The following VEPH1 variants were observed in gnomAD, a reference collection of about 807,000 sequenced individuals.
The protein encoded by VEPH1 is ventricular zone expressed PH domain containing 1.
A neutral mutation model predicts 85.2 loss-of-function variants in VEPH1; 80 were observed. The observed-to-expected ratio is 0.94, with a 90% CI of 0.78 to 1.13. The LOEUF is 1.13. Among genes scored for constraint, VEPH1 ranks in the 50% most tolerant of loss-of-function variants. VEPH1 has a pLI of 0.00. For missense variants in VEPH1, 955 were observed against 980.5 expected (o/e 0.97, Z 0.35); for synonymous variants, 297 against 348.0 (o/e 0.85, Z 1.63).
rs60332684 is a variant in VEPH1, at chr3:157,481,466, A to ACACACACACACACACAC, written c.139-10938_139-10937insGTGTGTGTGTGTGTGTG. ...CACACACACACACACACACACACAC[A>ACACACACACACACACAC]AAAAAAAAAAAAAAAAAAAACAATC... On this transcript the variant is annotated intron_variant, in intron 2 of 13. Coordinates refer to ENST00000362010, the MANE Select transcript of VEPH1 (RefSeq NM_001167912.2). Among the ~76,000 whole-genome samples, 36 of 48,228 alleles carry ACACACACACACACACAC rather than the reference A, an allele frequency of 7.5e-4. 1 individual carries two copies. The highest frequency in any genetic ancestry group is 3.1e-3 in the African/African-American group (29 of 9,228). 31.6% of individuals were successfully genotyped at this position (48,228 alleles called of 152,430 possible). A position where few individuals can be genotyped will look rare whatever the true frequency, so the allele number is the denominator to read the frequency against.
chr3:157,486,322 C>T (rs112395587), intron 2 of VEPH1, among the ~76,000 whole-genome samples: 1,870 of 151,868 alleles, frequency 0.012, 29 homozygotes, highest in African/African-American at 0.042. Flanking sequence ...ATGGTGAAAC[C>T]CCGTCTATAC....
intron 6 of VEPH1, among the ~76,000 whole-genome samples, chr3:157,385,371 A>G (rs1204576595): frequency 1.3e-5 from 2 of 152,142 alleles, no homozygotes; most frequent in Admixed American, 6.5e-5. Context: ...TATACAAAAT[A>G]GATCAGCAAT....
chr3:157,390,916 T>C (rs1307299820), intron 6 of VEPH1, among the ~76,000 whole-genome samples: 1 of 152,236 alleles, frequency 6.6e-6, no homozygotes, highest in Non-Finnish European at 1.5e-5. Context: ...CTCCAAGTTT[T>C]TGGGCACCAC....
intron 11 of VEPH1, among the ~76,000 whole-genome samples, chr3:157,307,428 C>T (rs1001614399): frequency 6.6e-6 from 1 of 151,870 alleles, no homozygotes; most frequent in East Asian, 1.9e-4. Context: ...GTTAATTGAT[C>T]TATATGGTGT....
At chr3:157,342,206 T>C (rs927643439) in intron 9 of VEPH1, among the ~76,000 whole-genome samples, 12 of 152,052 alleles carry the variant, frequency 7.9e-5, no homozygotes, top group African/African-American at 2.2e-4. Context: ...GGGCTAAATG[T>C]TCCAATTAAA....
intron 7 of VEPH1, among the ~76,000 whole-genome samples, chr3:157,371,977 C>G (rs1378073521): frequency 6.6e-6 from 1 of 152,090 alleles, no homozygotes; most frequent in Non-Finnish European, 1.5e-5. Flanking sequence ...CAAAATCACT[C>G]TGTAAATTAT....
intron 12 of VEPH1, among the ~76,000 whole-genome samples, chr3:157,272,288 CCTT>C (rs1272067463): frequency 2.7e-5 from 4 of 145,728 alleles, no homozygotes; most frequent in South Asian, 2.3e-4. Flanking sequence ...TTCCTTCCTT[CCTT>C]CCTTCCCTTC....
intron 11 of VEPH1, among the ~76,000 whole-genome samples, chr3:157,291,943 C>A (rs12632525): frequency 0.23 from 34,237 of 152,126 alleles, 4,510 homozygotes; most frequent in Admixed American, 0.4. Context: ...ATCTCTCTCT[C>A]TATATATCTA....
intron 4 of VEPH1, among the ~76,000 whole-genome samples, chr3:157,432,317 A>C (rs1280433891): frequency 6.6e-6 from 1 of 152,054 alleles, no homozygotes; most frequent in Admixed American, 6.5e-5. Flanking sequence ...TTATATTCTT[A>C]ATATAGTCAA....
At chr3:157,390,138 G>T (rs1729722630) in intron 6 of VEPH1, among the ~76,000 whole-genome samples, 1 of 152,184 alleles carries the variant, frequency 6.6e-6, no homozygotes, top group Non-Finnish European at 1.5e-5. Flanking sequence ...GTTTATAGAA[G>T]AATATGAAAA....
chr3:157,288,181 C>T (rs1014919968), intron 11 of VEPH1, among the ~76,000 whole-genome samples: 6 of 152,224 alleles, frequency 3.9e-5, no homozygotes, highest in African/African-American at 1.4e-4. Context: ...TAAAAGGCTC[C>T]TCCTCCTAAG....
At chr3:157,494,523 T>A (rs1279261985) in intron 2 of VEPH1, among the ~76,000 whole-genome samples, 1 of 152,096 alleles carries the variant, frequency 6.6e-6, no homozygotes, top group East Asian at 1.9e-4. Context: ...AATCTTGACA[T>A]TGAAGAGAAG....
At chr3:157,281,530 A>T (rs1023110581) in intron 12 of VEPH1, among the ~76,000 whole-genome samples, 1 of 151,594 alleles carries the variant, frequency 6.6e-6, no homozygotes, top group African/African-American at 2.4e-5. Context: ...ATACATCAAA[A>T]TCGAGTTTTC....
At chr3:157,466,236 C>G (rs989092069) in intron 3 of VEPH1, among the ~76,000 whole-genome samples, 2 of 152,026 alleles carry the variant, frequency 1.3e-5, no homozygotes, top group African/African-American at 4.8e-5. Context: ...ATGGCCAACT[C>G]CATATAGATA....
chr3:157,270,586 A>C lies in VEPH1; in HGVS notation c.2129-4924T>G, dbSNP rs148184146. The stretch of plus-strand genomic sequence containing the variant: ...AAGGGGTTGGTCTTATTCAACATGA[A>C]GTTGATGAGTAAGTATAATAATAAC... On this transcript the variant is annotated intron_variant, in intron 12 of 13. Transcript: ENST00000362010. Among the ~76,000 whole-genome samples the C allele has an allele frequency of 8.8e-4, 134 of 152,300 alleles. 1 individual carries two copies. In the East Asian group the frequency reaches 0.024, roughly 27 times the overall value.
chr3:157,493,157 G>A, intron 2 of VEPH1: 1 of 433,054 alleles, frequency 2.3e-6, no homozygotes, highest in Non-Finnish European at 4.6e-6. Flanking sequence ...AAGGAAAATT[G>A]AGAAGCAGGT....
intron 12 of VEPH1, among the ~76,000 whole-genome samples, chr3:157,274,144 C>T (rs781548051): frequency 2.0e-5 from 3 of 152,154 alleles, no homozygotes; most frequent in Admixed American, 6.5e-5. Context: ...CATACATCCC[C>T]GTGAGGATTA....
chr3:157,462,082 TTA>T (rs949113893), intron 3 of VEPH1, among the ~76,000 whole-genome samples: 2 of 147,692 alleles, frequency 1.4e-5, no homozygotes, highest in African/African-American at 4.9e-5. Context: ...AAAGTATTAT[TTA>T]TATATATATA....
At chr3:157,386,072 A>C (rs1729256764) in intron 6 of VEPH1, among the ~76,000 whole-genome samples, 1 of 152,032 alleles carries the variant, frequency 6.6e-6, no homozygotes, top group Non-Finnish European at 1.5e-5. Context: ...ATTTTCCAAA[A>C]CTCCAATTTT....
Sources: allele counts gnomAD v4.1 joint callset (sites outside exome capture counted in the v4.1 genomes callset), GRCh38; gene constraint gnomAD v4.1.1; transcripts MANE v1.5; gene names NCBI Gene and HGNC (gene_info 2026-07-23, HGNC 2026-07-21).